Variants in CTNNA2 observed in about 807,000 individuals in gnomAD.
CTNNA2 encodes catenin alpha 2, also known as catenin alpha-2.
In CTNNA2, 42 loss-of-function variants were observed where a neutral mutation model predicts 101.0. That is an observed-to-expected ratio of 0.42 (90% CI 0.32 to 0.54). The LOEUF is 0.54. Ranked by LOEUF, CTNNA2 falls within the 20% of genes least tolerant of loss-of-function variation. The pLI is 0.14. For missense variants in CTNNA2, 871 were observed against 1,223.1 expected, an observed-to-expected ratio of 0.71 and a Z score of 4.29; for synonymous variants, 450 against 456.4, an observed-to-expected ratio of 0.99 and a Z score of 0.18.
intron 3 of CTNNA2, among the ~76,000 whole-genome samples, chr2:79,767,094 A>C (rs1673220409): frequency 6.6e-6 from 1 of 151,638 alleles, no homozygotes. Context: ...CGACCTCACT[A>C]ATTCTTTCTT....
chr2:80,562,226 T>A (rs993034003), intron 12 of CTNNA2, among the ~76,000 whole-genome samples: 25 of 150,844 alleles, frequency 1.7e-4, no homozygotes, highest in Admixed American at 4.6e-4. Flanking sequence ...TACACTGGTG[T>A]GTTTGTGAAT....
intron 7 of CTNNA2, among the ~76,000 whole-genome samples, chr2:79,982,247 T>TAAC (rs1442968234): frequency 0.026 from 2,353 of 91,294 alleles, 211 homozygotes; most frequent in African/African-American, 0.095. Flanking sequence ...TATATGTATG[T>TAAC]ATATGTACAC....
At chr2:79,343,723 G>GATTATTATTATT (rs71385268) in intron 3 of CTNNA2, among the ~76,000 whole-genome samples, 112 of 147,962 alleles carry the variant, frequency 7.6e-4, no homozygotes, top group African/African-American at 2.6e-3. Context: ...AGACACGGAC[G>GATTATTATTATT]ATTATTATTA....
chr2:80,259,100 A>G (rs1336823861), intron 7 of CTNNA2, among the ~76,000 whole-genome samples: 1 of 152,242 alleles, frequency 6.6e-6, no homozygotes, highest in Non-Finnish European at 1.5e-5. Flanking sequence ...TGATTGACTC[A>G]TGGCCCTAAT....
At chr2:80,304,907 CAA>C (rs56174873) in intron 7 of CTNNA2, among the ~76,000 whole-genome samples, 1,833 of 73,780 alleles carry the variant, frequency 0.025, 28 homozygotes, top group African/African-American at 0.076. Context: ...GTCCATATTT[CAA>C]AAAAAAAAAA....
At chr2:79,403,622 A>T (rs2104483096) in intron 4 of CTNNA2, among the ~76,000 whole-genome samples, 1 of 152,178 alleles carries the variant, frequency 6.6e-6, no homozygotes, top group Non-Finnish European at 1.5e-5. Flanking sequence ...GAGTAAAAAT[A>T]TAAATAAACA....
rs908229150 is a variant in CTNNA2 at position 79,357,482 on chromosome 2, T to A, written c.-317-16349T>A. Among the ~76,000 whole-genome samples the A allele has an allele frequency of 2.0e-5, 3 of 151,820 alleles. No individual in the cohort carries two copies. In the East Asian group the frequency reaches 5.8e-4, roughly 29 times the overall value. The stretch of plus-strand genomic sequence containing the variant: ...AATTCAGTAAAGAACATAAAAGACA[T>A]ATAGGGCAAGGTGAAACAATTTAAT... On this transcript the variant is annotated intron_variant, in intron 3 of 21. Transcript: ENST00000466387.
At chr2:80,269,479 G>A (rs1046665186) in intron 7 of CTNNA2, among the ~76,000 whole-genome samples, 1 of 152,112 alleles carries the variant, frequency 6.6e-6, no homozygotes, top group African/African-American at 2.4e-5. Context: ...TTATAGCAAT[G>A]TGAGAACAGA....
At chr2:80,049,983 C>G (rs140058725) in intron 7 of CTNNA2, among the ~76,000 whole-genome samples, 1 of 152,236 alleles carries the variant, frequency 6.6e-6, no homozygotes, top group Non-Finnish European at 1.5e-5. Context: ...CAGTCACCTG[C>G]TACCAGGAGC....
intron 4 of CTNNA2, among the ~76,000 whole-genome samples, chr2:79,451,838 T>G (rs1670757325): frequency 6.6e-6 from 1 of 151,684 alleles, no homozygotes; most frequent in African/African-American, 2.4e-5. Flanking sequence ...ATGCTAGATA[T>G]AGTGAATATT....
intron 4 of CTNNA2, among the ~76,000 whole-genome samples, chr2:79,416,857 T>A (rs191098292): frequency 3.5e-4 from 53 of 152,240 alleles, no homozygotes; most frequent in Non-Finnish European, 4.9e-4. Context: ...TGAGCCAATT[T>A]CTTCTAACAC....
chr2:80,346,373 G>A (rs536821956), intron 7 of CTNNA2, among the ~76,000 whole-genome samples: 34 of 152,232 alleles, frequency 2.2e-4, no homozygotes, highest in Non-Finnish European at 4.3e-4. Context: ...GAGAGTGCCC[G>A]GGGAGAGGTG....
intron 2 of CTNNA2, among the ~76,000 whole-genome samples, chr2:79,299,147 G>T (rs983324829): frequency 2.0e-5 from 3 of 152,150 alleles, no homozygotes; most frequent in Middle Eastern, 3.2e-3. Flanking sequence ...AGCAAGTCAG[G>T]AGTGGAGTAG....
chr2:80,083,946 C>T (rs892416158), intron 7 of CTNNA2, among the ~76,000 whole-genome samples: 1 of 151,968 alleles, frequency 6.6e-6, no homozygotes, highest in Non-Finnish European at 1.5e-5. Context: ...CGGTGGCTTT[C>T]CCACAGAGAG....
intron 7 of CTNNA2, among the ~76,000 whole-genome samples, chr2:80,297,522 C>T (rs1036391936): frequency 1.3e-5 from 2 of 152,158 alleles, no homozygotes; most frequent in East Asian, 1.9e-4. Context: ...AATTGCCAGG[C>T]CCTTCACTTT....
chr2:79,238,372 T>C (rs1674583351), intron 2 of CTNNA2, among the ~76,000 whole-genome samples: 1 of 152,118 alleles, frequency 6.6e-6, no homozygotes, highest in Non-Finnish European at 1.5e-5. Flanking sequence ...ATTGGTAACA[T>C]GAAAGACTAT....
intron 7 of CTNNA2, among the ~76,000 whole-genome samples, chr2:80,126,748 C>T (rs1347074043): frequency 2.0e-5 from 3 of 151,708 alleles, no homozygotes; most frequent in East Asian, 2.0e-4. Flanking sequence ...CTTCTTTTCC[C>T]GTTTCCCTCA....
At chr2:79,499,194 A>C (rs139425033) in intron 4 of CTNNA2, 5 of 152,324 alleles carry the variant, frequency 3.3e-5, no homozygotes, top group Non-Finnish European at 7.4e-5. Flanking sequence ...ACCTTGATTC[A>C]GCACCATACA....
chr2:80,223,127 G>A (rs1573438386), intron 7 of CTNNA2, among the ~76,000 whole-genome samples: 1 of 152,074 alleles, frequency 6.6e-6, no homozygotes, highest in East Asian at 1.9e-4. Context: ...TAAATTCTAT[G>A]GGCTGTCCAG....
Sources: allele counts gnomAD v4.1 joint callset (sites outside exome capture counted in the v4.1 genomes callset), GRCh38; gene constraint gnomAD v4.1.1; transcripts MANE v1.5; gene names NCBI Gene and HGNC (gene_info 2026-07-23, HGNC 2026-07-21).